Variants in MARK1 observed in about 807,000 individuals in gnomAD.
The protein encoded by MARK1 is microtubule affinity regulating kinase 1.
MARK1 carries 40 observed loss-of-function variants against 96.3 expected under a neutral mutation model. The ratio of observed to expected loss-of-function variants is 0.42; its 90% CI spans 0.32 to 0.54. The LOEUF (loss-of-function observed/expected upper bound fraction) is 0.54, where lower values mean the gene tolerates loss of function less well. Ranked by LOEUF, MARK1 falls within the 20% of genes least tolerant of loss-of-function variation. The pLI is 0.16. For synonymous variants in MARK1, 317 were observed against 341.2 expected, an observed-to-expected ratio of 0.93 and a Z score of 0.78; for missense variants, 719 against 984.6, an observed-to-expected ratio of 0.73 and a Z score of 3.61.
intron 6 of MARK1, among the ~76,000 whole-genome samples, chr1:220,609,356 A>G (rs555582259): frequency 2.0e-5 from 3 of 152,234 alleles, no homozygotes; most frequent in African/African-American, 7.2e-5. Context: ...AGTTTGTTTT[A>G]TCAGAGACTA....
At chr1:220,627,021 C>T (rs1667383541) in intron 9 of MARK1, 9 of 540,530 alleles carry the variant, frequency 1.7e-5, no homozygotes, top group South Asian at 1.3e-4. Context: ...TAGTTTGGAC[C>T]AGATTTCAGG....
chr1:220,656,375 T>A (rs1669176430), intron 16 of MARK1, among the ~76,000 whole-genome samples: 1 of 152,198 alleles, frequency 6.6e-6, no homozygotes, highest in Admixed American at 6.5e-5. Context: ...GACATTTCAC[T>A]CCTAATGTTT....
At chr1:220,645,358 T>A (rs979191731) in intron 13 of MARK1, among the ~76,000 whole-genome samples, 2 of 152,070 alleles carry the variant, frequency 1.3e-5, no homozygotes, top group Non-Finnish European at 2.9e-5. Context: ...CTCCCAAGAC[T>A]GAAAGGAATA....
At chr1:220,585,014 A>C (rs1009702344) in intron 3 of MARK1, among the ~76,000 whole-genome samples, 8 of 152,218 alleles carry the variant, frequency 5.3e-5, no homozygotes, top group African/African-American at 1.9e-4. Context: ...GGGCCAACAA[A>C]AACATAAGTG....
chr1:220,577,553 T>G (rs1663951474), intron 1 of MARK1, among the ~76,000 whole-genome samples: 1 of 152,122 alleles, frequency 6.6e-6, no homozygotes, highest in Admixed American at 6.5e-5. Flanking sequence ...AAATACAGAG[T>G]GCTGGACCCT....
chr1:220,580,036 A>T (rs191581383), intron 2 of MARK1, among the ~76,000 whole-genome samples: 9 of 152,314 alleles, frequency 5.9e-5, no homozygotes, highest in African/African-American at 2.2e-4. Context: ...GTTTTAAGTT[A>T]TATGTATTTA....
chr1:220,528,733 T>A lies in MARK1; in HGVS notation c.-90T>A, dbSNP rs1660090660. 2.4e-6 allele frequency: 3 copies of A among 1,257,128 alleles called. No homozygotes were observed. The highest frequency in any genetic ancestry group is 2.2e-6 in the Non-Finnish European group (2 of 916,596). 77.9% of individuals were successfully genotyped at this position (1,257,128 alleles called of 1,614,324 possible). The stretch of plus-strand genomic sequence containing the variant: ...GGAGCCGCTCGCCCCGGCCTTGTGC[T>A]CGCGTCCGCACCCCTTTCCTGTCGC... On this transcript the variant is annotated 5_prime_UTR_variant, in exon 1 of 18. Transcript: ENST00000366917.
At chr1:220,545,255 G>T (rs1661401093) in intron 1 of MARK1, among the ~76,000 whole-genome samples, 1 of 152,104 alleles carries the variant, frequency 6.6e-6, no homozygotes, top group Non-Finnish European at 1.5e-5. Flanking sequence ...TTAGTGAGAG[G>T]GCCTGGCTTG....
chr1:220,616,621 C>A (rs1666765362), intron 7 of MARK1, among the ~76,000 whole-genome samples: 1 of 152,106 alleles, frequency 6.6e-6, no homozygotes, highest in African/African-American at 2.4e-5. Context: ...CTTTTTTCCT[C>A]ATCACCTTTA....
intron 1 of MARK1, among the ~76,000 whole-genome samples, chr1:220,562,242 A>G (rs1662717165): frequency 6.6e-6 from 1 of 152,152 alleles, no homozygotes; most frequent in Admixed American, 6.5e-5. Flanking sequence ...AGGCAGGTGG[A>G]TCACTTGAGG....
chr1:220,651,042 C>T (rs1160752397), intron 14 of MARK1, among the ~76,000 whole-genome samples: 1 of 152,172 alleles, frequency 6.6e-6, no homozygotes, highest in African/African-American at 2.4e-5. Flanking sequence ...TATGCACCTG[C>T]TGCCTCCTTC....
At chr1:220,543,891 A>G (rs1247252878) in intron 1 of MARK1, among the ~76,000 whole-genome samples, 1 of 152,178 alleles carries the variant, frequency 6.6e-6, no homozygotes, top group Non-Finnish European at 1.5e-5. Context: ...TCTTACACAG[A>G]TAGGTTTTGG....
At chr1:220,630,218 A>G (rs532858562) in intron 9 of MARK1, among the ~76,000 whole-genome samples, 1 of 152,270 alleles carries the variant, frequency 6.6e-6, no homozygotes, top group East Asian at 1.9e-4. Flanking sequence ...TTCACACAGC[A>G]AGCATGCTTG....
chr1:220,564,661 T>G (rs770123269), intron 1 of MARK1, among the ~76,000 whole-genome samples: 30 of 152,108 alleles, frequency 2.0e-4, no homozygotes, highest in Admixed American at 1.3e-4. Flanking sequence ...GTGTGTACCT[T>G]TCTTATAAAG....
At chr1:220,633,787 T>G (rs1667802013) in intron 11 of MARK1, among the ~76,000 whole-genome samples, 1 of 152,198 alleles carries the variant, frequency 6.6e-6, no homozygotes, top group Admixed American at 6.5e-5. Flanking sequence ...TAAGCACATT[T>G]GCCAAGATAG....
chr1:220,633,977 T>G (rs533348805), intron 11 of MARK1, among the ~76,000 whole-genome samples: 1 of 152,308 alleles, frequency 6.6e-6, no homozygotes, highest in Admixed American at 6.5e-5. Context: ...CACAGTAGTG[T>G]GCCAGGAACT....
chr1:220,554,222 TAC>T (rs1662083043), intron 1 of MARK1, among the ~76,000 whole-genome samples: 1 of 152,192 alleles, frequency 6.6e-6, no homozygotes, highest in Non-Finnish European at 1.5e-5. Context: ...AAGTAGTCAT[TAC>T]TTCCTGCTCA....
intron 13 of MARK1, among the ~76,000 whole-genome samples, chr1:220,641,552 A>G (rs998178884): frequency 1.3e-5 from 2 of 152,098 alleles, no homozygotes; most frequent in African/African-American, 2.4e-5. Context: ...AGCAGCCCAA[A>G]CAGACTAAGA....
At chr1:220,628,568 G>A (rs889076449) in intron 9 of MARK1, among the ~76,000 whole-genome samples, 8 of 152,078 alleles carry the variant, frequency 5.3e-5, no homozygotes, top group Admixed American at 2.0e-4. Context: ...CATGCTGTGC[G>A]GGTTTTTCTT....
Sources: gnomAD v4.1 joint callset for allele counts (sites outside exome capture counted in the v4.1 genomes callset) on GRCh38, gnomAD v4.1.1 for gene constraint, MANE v1.5 for transcripts, NCBI Gene and HGNC (gene_info 2026-07-23, HGNC 2026-07-21) for gene names.